Variants in FHIT observed in about 807,000 individuals in gnomAD.
FHIT encodes fragile histidine triad diadenosine triphosphatase, also known as bis(5'-adenosyl)-triphosphatase.
In FHIT, 19 loss-of-function variants were observed where a neutral mutation model predicts 17.9. The ratio of observed to expected loss-of-function variants is 1.06; its 90% CI spans 0.74 to 1.56. The LOEUF (loss-of-function observed/expected upper bound fraction) is 1.56. FHIT is among the 40% of genes most tolerant of loss of function. The pLI, the probability that FHIT is intolerant of heterozygous loss-of-function variation, is 0.00. For synonymous variants in FHIT, 81 were observed against 69.7 expected, an observed-to-expected ratio of 1.16 and a Z score of -0.81; for missense variants, 248 against 189.2, an observed-to-expected ratio of 1.31 and a Z score of -1.82.
intron 3 of FHIT, among the ~76,000 whole-genome samples, chr3:60,826,373 C>G (rs1702123415): frequency 6.6e-6 from 1 of 152,084 alleles, no homozygotes; most frequent in Non-Finnish European, 1.5e-5. Flanking sequence ...GTTGCCCAGG[C>G]TGAAGTGCAA....
intron 7 of FHIT, among the ~76,000 whole-genome samples, chr3:60,000,129 C>CATG (rs1489616124): frequency 2.6e-5 from 4 of 152,136 alleles, no homozygotes; most frequent in African/African-American, 4.8e-5. Flanking sequence ...AGAAAACAGC[C>CATG]CATCCACAAC....
intron 3 of FHIT, among the ~76,000 whole-genome samples, chr3:60,893,235 C>G (rs1311727617): frequency 2.6e-5 from 4 of 152,130 alleles, no homozygotes; most frequent in African/African-American, 9.7e-5. Context: ...CCCTAGTTTA[C>G]TACACTTAGT....
chr3:61,116,718 T>C (rs2036309789), intron 2 of FHIT, among the ~76,000 whole-genome samples: 1 of 152,152 alleles, frequency 6.6e-6, no homozygotes, highest in Admixed American at 6.5e-5. Flanking sequence ...CACCATAATT[T>C]GAAGCCAGAC....
intron 2 of FHIT, among the ~76,000 whole-genome samples, chr3:61,084,982 G>A (rs569946788): frequency 6.6e-6 from 1 of 152,234 alleles, no homozygotes; most frequent in South Asian, 2.1e-4. Flanking sequence ...GGTATGGGCT[G>A]TTCATTCCTT....
intron 4 of FHIT, among the ~76,000 whole-genome samples, chr3:60,609,834 G>T (rs1311736835): frequency 6.6e-6 from 1 of 152,212 alleles, no homozygotes; most frequent in East Asian, 1.9e-4. Context: ...CGGAGTTCCT[G>T]CTATCTCAAC....
intron 8 of FHIT, among the ~76,000 whole-genome samples, chr3:59,756,062 C>T (rs2106755014): frequency 6.6e-6 from 1 of 152,266 alleles, no homozygotes; most frequent in Non-Finnish European, 1.5e-5. Flanking sequence ...TTCCCTGCTG[C>T]TGCTACTACT....
At chr3:60,128,668 C>T (rs1363431727) in intron 5 of FHIT, among the ~76,000 whole-genome samples, 4 of 152,216 alleles carry the variant, frequency 2.6e-5, no homozygotes, top group Non-Finnish European at 5.9e-5. Flanking sequence ...TACTCTGCAA[C>T]CAACTGATCA....
chr3:60,786,452 G>C (rs547076680), intron 4 of FHIT, among the ~76,000 whole-genome samples: 31 of 152,278 alleles, frequency 2.0e-4, no homozygotes, highest in African/African-American at 6.3e-4. Flanking sequence ...AATGGAGATG[G>C]TTCAAATGCT....
intron 3 of FHIT, among the ~76,000 whole-genome samples, chr3:60,835,207 T>C (rs546002560): frequency 6.6e-6 from 1 of 152,156 alleles, no homozygotes; most frequent in Admixed American, 6.5e-5. Flanking sequence ...TTAGCTACTC[T>C]AGTTCCTTTG....
At chr3:61,246,114 A>C (rs1329475898) in intron 1 of FHIT, among the ~76,000 whole-genome samples, 1 of 152,218 alleles carries the variant, frequency 6.6e-6, no homozygotes, top group East Asian at 1.9e-4. Flanking sequence ...TGCCATGGCA[A>C]TGTCAGAAAG....
chr3:59,945,395 A>G (rs1706749901), intron 7 of FHIT, among the ~76,000 whole-genome samples: 1 of 152,072 alleles, frequency 6.6e-6, no homozygotes, highest in African/African-American at 2.4e-5. Flanking sequence ...ATTTATTTAA[A>G]TTCCTTATAG....
At chr3:61,130,520 T>C (rs1184691899) in intron 2 of FHIT, among the ~76,000 whole-genome samples, 1 of 152,148 alleles carries the variant, frequency 6.6e-6, no homozygotes, top group African/African-American at 2.4e-5. Flanking sequence ...TTCACAGAAA[T>C]TGGGGAAATG....
chr3:61,023,851 A>C (rs2032590228), intron 3 of FHIT, among the ~76,000 whole-genome samples: 1 of 152,196 alleles, frequency 6.6e-6, no homozygotes. Context: ...AATTAACTCA[A>C]GATAGATTAA....
chr3:60,500,771 T>TAAA lies in FHIT; in HGVS notation c.103+36086_103+36088dup, dbSNP rs71092606. 1.6e-3 allele frequency among the ~76,000 whole-genome samples: 102 copies of TAAA among 64,848 alleles called. 3 individuals are homozygous for TAAA. The East Asian group carries it at 0.029, about 18-fold the overall frequency. 42.5% of individuals were successfully genotyped at this position (64,848 alleles called of 152,430 possible). A position where few individuals can be genotyped will look rare whatever the true frequency, so the allele number is the denominator to read the frequency against. On this transcript the variant is annotated intron_variant, in intron 5 of 9. Transcript: ENST00000492590. ...CTGGGTGACAGAGTGAGCATCCATC[T>TAAA]AAAAAAAAAAAAAAAAAAAAAAAAA...
chr3:60,474,606 A>G (rs926070734), intron 5 of FHIT, among the ~76,000 whole-genome samples: 2 of 151,908 alleles, frequency 1.3e-5, no homozygotes, highest in Non-Finnish European at 2.9e-5. Context: ...TCACAAATGT[A>G]TTATTTTCAA....
At chr3:61,068,991 TC>T (rs2034707775) in intron 2 of FHIT, among the ~76,000 whole-genome samples, 1 of 152,168 alleles carries the variant, frequency 6.6e-6, no homozygotes, top group African/African-American at 2.4e-5. Context: ...TCAGATATAT[TC>T]AGTGAAATTC....
intron 5 of FHIT, among the ~76,000 whole-genome samples, chr3:60,115,830 G>C (rs1376498965): frequency 6.6e-6 from 1 of 152,040 alleles, no homozygotes; most frequent in Non-Finnish European, 1.5e-5. Flanking sequence ...TAGGTATTAT[G>C]TGCATGTATA....
chr3:60,854,353 A>G (rs1465119453), intron 3 of FHIT, among the ~76,000 whole-genome samples: 4 of 152,094 alleles, frequency 2.6e-5, no homozygotes, highest in African/African-American at 7.2e-5. Flanking sequence ...TGGAAGGTGT[A>G]TCACTTGGGA....
At chr3:59,947,269 C>T (rs1453501027) in intron 7 of FHIT, among the ~76,000 whole-genome samples, 3 of 152,166 alleles carry the variant, frequency 2.0e-5, no homozygotes, top group East Asian at 1.9e-4. Flanking sequence ...AATTTATCCA[C>T]TTCTTGTACG....
Sources: gnomAD v4.1 joint callset for allele counts (sites outside exome capture counted in the v4.1 genomes callset) on GRCh38, gnomAD v4.1.1 for gene constraint, MANE v1.5 for transcripts, NCBI Gene and HGNC (gene_info 2026-07-23, HGNC 2026-07-21) for gene names.